The following NCKAP5 variants were observed in gnomAD, a reference collection of about 807,000 sequenced individuals.
The protein encoded by NCKAP5 is nck-associated protein 5.
A neutral mutation model predicts 167.0 loss-of-function variants in NCKAP5; 92 were observed. That is an observed-to-expected ratio of 0.55 (90% CI 0.47 to 0.66). NCKAP5 has a LOEUF of 0.66. Among genes scored for constraint, NCKAP5 ranks in the 30% least tolerant of loss-of-function variants. NCKAP5 has a pLI of 0.00. For synonymous variants in NCKAP5, 891 were observed against 877.4 expected, an observed-to-expected ratio of 1.02 and a Z score of -0.27; for missense variants, 2,378 against 2,315.0, an observed-to-expected ratio of 1.03 and a Z score of -0.56.
intron 3 of NCKAP5, among the ~76,000 whole-genome samples, chr2:133,514,802 G>A (rs1229867739): frequency 6.6e-6 from 1 of 152,052 alleles, no homozygotes; most frequent in Non-Finnish European, 1.5e-5. Context: ...TAAGTGACAG[G>A]TTGTTCTACT....
At chr2:133,154,708 C>T (rs186332938) in intron 5 of NCKAP5, among the ~76,000 whole-genome samples, 8 of 152,278 alleles carry the variant, frequency 5.3e-5, no homozygotes, top group East Asian at 1.9e-4. Context: ...CTCTGAGGAG[C>T]GTCACAATGG....
chr2:132,804,679 G>C (rs755061680), intron 11 of NCKAP5, among the ~76,000 whole-genome samples: 4 of 152,118 alleles, frequency 2.6e-5, no homozygotes, highest in African/African-American at 7.2e-5. Flanking sequence ...CTTGCTCTGT[G>C]GGGGGAAGAG....
At chr2:133,426,437 T>C in intron 3 of NCKAP5, among the ~76,000 whole-genome samples, 1 of 144,292 alleles carries the variant, frequency 6.9e-6, no homozygotes. Context: ...TCTTAAAGTC[T>C]TCCAAAAAAA....
At chr2:132,844,421 T>G (rs755283966) in intron 11 of NCKAP5, among the ~76,000 whole-genome samples, 9 of 152,174 alleles carry the variant, frequency 5.9e-5, no homozygotes, top group Non-Finnish European at 1.0e-4. Context: ...TTAAAGCCAC[T>G]GTATTAGTAT....
intron 12 of NCKAP5, among the ~76,000 whole-genome samples, chr2:132,790,952 G>A (rs1194412559): frequency 2.0e-5 from 3 of 152,084 alleles, no homozygotes; most frequent in African/African-American, 4.8e-5. Context: ...AACATGACTC[G>A]AATGCTACAA....
Position 132,784,424 on chromosome 2 carries a change from T to A in NCKAP5, c.2387A>T (p.Gln796Leu), listed in dbSNP as rs760081455. The change falls in exon 14 of 20, where the codon CAA becomes CTA. Residue 796 changes from glutamine (Q) to leucine (L), a missense_variant. Coordinates refer to ENST00000409261, the MANE Select transcript of NCKAP5 (RefSeq NM_207363.3). ...SRSSAPMGIY[Q>L]KQNLTKIPPR... ...AGGTATTTTTGTCAGATTTTGCTTT[T>A]GATAGATGCCCATGGGTGCCGAAGA... The A allele has an allele frequency of 5.0e-6, 8 of 1,612,904 alleles. No individual in the cohort carries two copies. Among genetic ancestry groups the A allele is most frequent in the Middle Eastern group, 1.7e-4 (1 of 6,050 alleles).
chr2:132,937,979 GA>G (rs1696983751), intron 8 of NCKAP5, among the ~76,000 whole-genome samples: 3 of 152,228 alleles, frequency 2.0e-5, no homozygotes, highest in African/African-American at 7.2e-5. Context: ...TACATGTTGA[GA>G]AGATCCTCAG....
At chr2:132,788,582 G>A (rs1683789751) in intron 13 of NCKAP5, among the ~76,000 whole-genome samples, 1 of 152,052 alleles carries the variant, frequency 6.6e-6, no homozygotes, top group Non-Finnish European at 1.5e-5. Context: ...CTTAATAGGC[G>A]ACTGGGAGCA....
intron 12 of NCKAP5, among the ~76,000 whole-genome samples, chr2:132,794,293 GAGAGAGAGAGAGA>G (rs1247090803): frequency 1.7e-4 from 21 of 123,430 alleles, no homozygotes; most frequent in African/African-American, 5.7e-4. Flanking sequence ...GAGAGAGAGA[GAGAGAGAGAGAGA>G]GGGTGGCGGG....
intron 11 of NCKAP5, among the ~76,000 whole-genome samples, chr2:132,856,424 G>T (rs997254802): frequency 5.3e-5 from 8 of 152,074 alleles, no homozygotes; most frequent in Admixed American, 2.6e-4. Context: ...CAAAAAGTCC[G>T]CATTCTAAGA....
At chr2:132,786,591 T>C (rs1304996588) in intron 13 of NCKAP5, among the ~76,000 whole-genome samples, 4 of 151,926 alleles carry the variant, frequency 2.6e-5, no homozygotes, top group African/African-American at 4.8e-5. Flanking sequence ...GGAAATGACA[T>C]AGAGAAAAGG....
rs1221213362 is a variant in NCKAP5, at chr2:133,492,644, A to G, written c.69+24814T>C. 2.6e-5 allele frequency among the ~76,000 whole-genome samples: 4 copies of G among 152,220 alleles called. No individual in the cohort carries two copies. The East Asian group carries it at 7.7e-4, about 29-fold the overall frequency. On this transcript the variant is annotated intron_variant, in intron 3 of 19. Transcript: ENST00000409261. ...CAGTTTCCTCATCTATAAAATAGGCATGATTATGCCAATCTCACAGGGATG... is the reference window on the plus strand; with the variant it reads ...CAGTTTCCTCATCTATAAAATAGGCGTGATTATGCCAATCTCACAGGGATG...
At chr2:132,828,391 A>T (rs936579707) in intron 11 of NCKAP5, among the ~76,000 whole-genome samples, 46 of 152,022 alleles carry the variant, frequency 3.0e-4, no homozygotes, top group African/African-American at 9.9e-4. Flanking sequence ...CATGATAGTG[A>T]GTAGTTACAG....
chr2:132,758,692 G>A (rs1202411196), intron 16 of NCKAP5, among the ~76,000 whole-genome samples: 1 of 152,020 alleles, frequency 6.6e-6, no homozygotes, highest in Non-Finnish European at 1.5e-5. Flanking sequence ...CATCTCTCTT[G>A]TGATGCCAAA....
intron 5 of NCKAP5, among the ~76,000 whole-genome samples, chr2:133,205,342 T>C (rs183189074): frequency 4.1e-5 from 5 of 120,548 alleles, no homozygotes; most frequent in Admixed American, 2.6e-4. Flanking sequence ...TAAAGATAGA[T>C]AGACAGGCAG....
At chr2:133,034,622 A>G (rs887012191) in intron 6 of NCKAP5, among the ~76,000 whole-genome samples, 39 of 152,232 alleles carry the variant, frequency 2.6e-4, no homozygotes, top group African/African-American at 9.4e-4. Flanking sequence ...ATGGGGGAAC[A>G]AAGTTAAGGT....
intron 8 of NCKAP5, among the ~76,000 whole-genome samples, chr2:132,905,064 C>T (rs1282951951): frequency 6.6e-6 from 1 of 152,150 alleles, no homozygotes; most frequent in African/African-American, 2.4e-5. Flanking sequence ...TAAATAGCCA[C>T]TTTTGTTTTC....
intron 3 of NCKAP5, among the ~76,000 whole-genome samples, chr2:133,488,165 A>G (rs1447892398): frequency 1.3e-5 from 2 of 152,182 alleles, no homozygotes; most frequent in Non-Finnish European, 2.9e-5. Context: ...TAATATACAT[A>G]TTATCTATTA....
intron 19 of NCKAP5, among the ~76,000 whole-genome samples, chr2:132,691,254 C>A (rs1686688919): frequency 6.6e-6 from 1 of 152,152 alleles, no homozygotes; most frequent in Non-Finnish European, 1.5e-5. Flanking sequence ...ATAGCCTGTT[C>A]TTCATACAAA....
Sources: allele counts gnomAD v4.1 joint callset (sites outside exome capture counted in the v4.1 genomes callset), GRCh38; gene constraint gnomAD v4.1.1; transcripts MANE v1.5; gene names NCBI Gene and HGNC (gene_info 2026-07-23, HGNC 2026-07-21).